Variants in OR2L13 observed in about 807,000 individuals in gnomAD.
OR2L13 encodes olfactory receptor 2L13.
Under a neutral mutation model 15.3 loss-of-function variants are expected in OR2L13, and 14 were observed. The ratio of observed to expected loss-of-function variants is 0.91; its 90% CI spans 0.60 to 1.43. OR2L13 has a LOEUF of 1.43. Ranked by LOEUF, OR2L13 falls within the 40% of genes most tolerant of loss-of-function variation. The pLI is 0.00. For missense variants in OR2L13, 367 were observed against 387.9 expected (o/e 0.95, Z 0.45); for synonymous variants, 152 against 142.9 (o/e 1.06, Z -0.45).
At chr1:247,983,692 C>T in the OR2L13 span, among the ~76,000 whole-genome samples, 22 of 152,072 alleles carry the variant, frequency 1.4e-4, no homozygotes, top group Non-Finnish European at 2.8e-4. Context: ...AACCGTGGAA[C>T]GTGAATAATC....
At chr1:248,008,587 G>C in the OR2L13 span, among the ~76,000 whole-genome samples, 3 of 151,978 alleles carry the variant, frequency 2.0e-5, no homozygotes, top group Non-Finnish European at 4.4e-5. Flanking sequence ...CAATAATAGT[G>C]GGAGACTTTA....
chr1:247,969,879 T>G, the OR2L13 span, among the ~76,000 whole-genome samples: 2 of 152,220 alleles, frequency 1.3e-5, no homozygotes, highest in South Asian at 4.1e-4. Context: ...TGGCTGCTCC[T>G]GATGCAGATT....
At chr1:248,032,819 A>T in the OR2L13 span, among the ~76,000 whole-genome samples, 2 of 152,194 alleles carry the variant, frequency 1.3e-5, no homozygotes, top group African/African-American at 4.8e-5. Context: ...ACGTGGGCAT[A>T]TAAGTATGTT....
At chr1:247,972,838 A>C in the OR2L13 span, among the ~76,000 whole-genome samples, 1 of 152,056 alleles carries the variant, frequency 6.6e-6, no homozygotes. Context: ...CAAAATTTCA[A>C]GCCAATATCC....
chr1:247,967,903 C>G, the OR2L13 span, among the ~76,000 whole-genome samples: 7 of 150,550 alleles, frequency 4.6e-5, no homozygotes, highest in African/African-American at 1.5e-4. Context: ...CTTCCTCGTC[C>G]TCTTCCTCTT....
the OR2L13 span, among the ~76,000 whole-genome samples, chr1:248,025,865 C>T: frequency 1.8e-4 from 27 of 150,194 alleles, no homozygotes; most frequent in African/African-American, 3.5e-4. Context: ...AACCAAACAC[C>T]GCATATTCTT....
At chr1:247,943,980 A>C in the OR2L13 span, among the ~76,000 whole-genome samples, 2 of 152,166 alleles carry the variant, frequency 1.3e-5, no homozygotes, top group African/African-American at 4.8e-5. Context: ...CTTTTTGAAA[A>C]AAGGTTGCCA....
the OR2L13 span, among the ~76,000 whole-genome samples, chr1:248,001,440 G>A: frequency 6.6e-6 from 1 of 151,556 alleles, no homozygotes; most frequent in Non-Finnish European, 1.5e-5. Flanking sequence ...GCTGACACCT[G>A]TATACTGAAT....
chr1:247,940,144 A>G, the OR2L13 span, among the ~76,000 whole-genome samples: 8 of 152,296 alleles, frequency 5.3e-5, no homozygotes, highest in African/African-American at 1.9e-4. Context: ...ATATACATAC[A>G]CATACTTACA....
At chr1:247,991,568 G>T in the OR2L13 span, among the ~76,000 whole-genome samples, 5 of 149,134 alleles carry the variant, frequency 3.4e-5, no homozygotes, top group African/African-American at 1.2e-4. Context: ...CTCTTAGACT[G>T]TAGTTGACTT....
chr1:248,065,968 T>C, the OR2L13 span, among the ~76,000 whole-genome samples: 1 of 152,142 alleles, frequency 6.6e-6, no homozygotes, highest in South Asian at 2.1e-4. Flanking sequence ...ACCCTCTCTG[T>C]ATCAGAATAG....
chr1:247,942,094 G>A, the OR2L13 span, among the ~76,000 whole-genome samples: 9 of 151,978 alleles, frequency 5.9e-5, no homozygotes, highest in Non-Finnish European at 7.4e-5. Flanking sequence ...AAAAATAATT[G>A]GAATAAGTTG....
At chr1:247,962,934 A>G in the OR2L13 span, among the ~76,000 whole-genome samples, 7 of 152,196 alleles carry the variant, frequency 4.6e-5, no homozygotes, top group Non-Finnish European at 1.0e-4. Flanking sequence ...AAATTTCAAT[A>G]CACAATAAAT....
the OR2L13 span, among the ~76,000 whole-genome samples, chr1:247,948,192 AAC>A: frequency 6.6e-6 from 1 of 152,104 alleles, no homozygotes; most frequent in Non-Finnish European, 1.5e-5. Context: ...CAGCCTGGGT[AAC>A]AGAGAGAGAC....
chr1:248,096,462 TGCA>T (rs1276896818), upstream of OR2L13, among the ~76,000 whole-genome samples: 198 of 152,120 alleles, frequency 1.3e-3, 2 homozygotes, highest in African/African-American at 4.7e-3. Flanking sequence ...TTGCACTATG[TGCA>T]GCTCTCAAAC....
chr1:247,962,352 A>G, the OR2L13 span, among the ~76,000 whole-genome samples: 1 of 152,224 alleles, frequency 6.6e-6, no homozygotes, highest in Non-Finnish European at 1.5e-5. Context: ...GTAAATTAAT[A>G]CAAGTATCTA....
At chr1:247,944,808 G>A in the OR2L13 span, among the ~76,000 whole-genome samples, 1 of 151,994 alleles carries the variant, frequency 6.6e-6, no homozygotes, top group Admixed American at 6.6e-5. Flanking sequence ...ATTTATATTA[G>A]TATTCTCTGA....
chr1:248,089,925 C>T, the OR2L13 span, among the ~76,000 whole-genome samples: 7 of 152,128 alleles, frequency 4.6e-5, no homozygotes, highest in Non-Finnish European at 1.0e-4. Context: ...TTTGAATCTC[C>T]CTATGATGTG....
the OR2L13 span, chr1:248,062,728 A>G: frequency 1.3e-5 from 2 of 152,322 alleles, no homozygotes; most frequent in South Asian, 4.1e-4. Context: ...TAACTGAAAG[A>G]GTGGAATTGG....
Sources: allele counts gnomAD v4.1 joint callset (sites outside exome capture counted in the v4.1 genomes callset), GRCh38; gene constraint gnomAD v4.1.1; transcripts MANE v1.5; gene names NCBI Gene and HGNC (gene_info 2026-07-23, HGNC 2026-07-21).